Variants in RIMBP2 observed in about 807,000 individuals in gnomAD.
RIMBP2 encodes the protein RIMS binding protein 2, also known as RIMS-binding protein 2.
In RIMBP2, 48 loss-of-function variants were observed where a neutral mutation model predicts 118.6. The observed-to-expected ratio is 0.40, with a 90% CI of 0.32 to 0.51. The LOEUF is 0.51. Among genes scored for constraint, RIMBP2 ranks in the 20% least tolerant of loss-of-function variants. The probability of loss-of-function intolerance (pLI) is 0.41; values close to 1 mark genes in which losing one functional copy is unlikely to be tolerated. For synonymous variants in RIMBP2, 762 were observed against 742.9 expected, an observed-to-expected ratio of 1.03 and a Z score of -0.42; for missense variants, 1,551 against 1,768.3, an observed-to-expected ratio of 0.88 and a Z score of 2.20.
At chr12:130,681,999 G>A (rs1428428144) in intron 1 of RIMBP2, among the ~76,000 whole-genome samples, 1 of 152,184 alleles carries the variant, frequency 6.6e-6, no homozygotes, top group Non-Finnish European at 1.5e-5. Context: ...GCCCAGCCAT[G>A]CAAGTATTTC....
rs559968359 is a variant in RIMBP2 at position 130,657,233 on chromosome 12, T to G, written c.-351-28777A>C. ...CTTAAAGAACACTAGTCATATGGGATGAGGGCACATCCTCATGTCCTCATC... is the reference window on the plus strand; with the variant it reads ...CTTAAAGAACACTAGTCATATGGGAGGAGGGCACATCCTCATGTCCTCATC... On this transcript the variant is annotated intron_variant, in intron 1 of 22. Transcript: ENST00000690449. 3.3e-5 allele frequency among the ~76,000 whole-genome samples: 5 copies of G among 152,278 alleles called. No homozygotes were observed. In the South Asian group the frequency reaches 1.0e-3, roughly 32 times the overall value.
chr12:130,643,810 G>A (rs1241560389), intron 1 of RIMBP2, among the ~76,000 whole-genome samples: 3 of 152,172 alleles, frequency 2.0e-5, no homozygotes, highest in Non-Finnish European at 4.4e-5. Context: ...CACGCAAGCA[G>A]ACAACAGCCA....
At chr12:130,407,602 T>A in intron 20 of RIMBP2, 124 bp downstream of exon 20, 1 of 825,898 alleles carries the variant, frequency 1.2e-6, no homozygotes, top group Non-Finnish European at 2.1e-6. Flanking sequence ...TCGGCAGCCC[T>A]TCCTACGGAT....
At chr12:130,480,683 C>T (rs924881227) in intron 4 of RIMBP2, among the ~76,000 whole-genome samples, 3 of 148,608 alleles carry the variant, frequency 2.0e-5, no homozygotes, top group South Asian at 2.1e-4. Flanking sequence ...TCACTGCAGC[C>T]TCCACCTCCT....
chr12:130,653,662 G>A (rs2063315695), intron 1 of RIMBP2, among the ~76,000 whole-genome samples: 1 of 152,216 alleles, frequency 6.6e-6, no homozygotes, highest in East Asian at 1.9e-4. Flanking sequence ...TTCTGTGGGG[G>A]CTCCACCCCT....
At chr12:130,499,553 A>G (rs2049531199) in intron 4 of RIMBP2, among the ~76,000 whole-genome samples, 1 of 152,044 alleles carries the variant, frequency 6.6e-6, no homozygotes, top group Non-Finnish European at 1.5e-5. Context: ...ATCTGACCTC[A>G]TCTTCTAACT....
chr12:130,510,449 C>T (rs932336982), intron 3 of RIMBP2, among the ~76,000 whole-genome samples: 4 of 151,584 alleles, frequency 2.6e-5, no homozygotes, highest in Non-Finnish European at 4.4e-5. Flanking sequence ...TGGAGGACCT[C>T]GGGGCAAGCC....
chr12:130,513,662 C>G (rs1043053528), intron 3 of RIMBP2, among the ~76,000 whole-genome samples: 9 of 152,180 alleles, frequency 5.9e-5, no homozygotes, highest in Non-Finnish European at 1.2e-4. Flanking sequence ...CATCGGTTTC[C>G]TCCCACAAGG....
intron 3 of RIMBP2, among the ~76,000 whole-genome samples, chr12:130,507,158 C>G (rs1036615663): frequency 2.6e-5 from 4 of 152,166 alleles, no homozygotes; most frequent in African/African-American, 9.7e-5. Context: ...GAAGAACTCT[C>G]CCTTTTGCCC....
intron 1 of RIMBP2, among the ~76,000 whole-genome samples, chr12:130,667,104 A>T (rs2063975074): frequency 1.7e-5 from 1 of 59,684 alleles, no homozygotes; most frequent in East Asian, 4.2e-4. Flanking sequence ...GGATGGGAGA[A>T]AAAAAGGAAT....
At chr12:130,575,949 C>G (rs529375111) in intron 2 of RIMBP2, among the ~76,000 whole-genome samples, 1 of 152,210 alleles carries the variant, frequency 6.6e-6, no homozygotes, top group African/African-American at 2.4e-5. Context: ...GTTAACAGGA[C>G]ACCCCCGGAT....
At chr12:130,637,550 G>A (rs1391700617) in intron 1 of RIMBP2, among the ~76,000 whole-genome samples, 1 of 152,194 alleles carries the variant, frequency 6.6e-6, no homozygotes, top group Non-Finnish European at 1.5e-5. Flanking sequence ...TAAGAGTAAT[G>A]TGATTAGAAC....
At position 130,411,714 on chromosome 12, in the gene RIMBP2, G is replaced by C. The variant is rs143864061; in HGVS notation, c.3589+905C>G. On this transcript the variant is annotated intron_variant, in intron 19 of 22. Coordinates refer to ENST00000690449, the MANE Select transcript of RIMBP2 (RefSeq NM_001393629.1). ...AACAAAAGTGAGTAGAGGGGATAAA[G>C]GGCTCAAAGATCTTCGATCTCATGG... 1.6e-3 allele frequency among the ~76,000 whole-genome samples: 244 copies of C among 152,220 alleles called. 3 individuals are homozygous for C. The East Asian group carries it at 0.038, about 24-fold the overall frequency.
intron 2 of RIMBP2, among the ~76,000 whole-genome samples, chr12:130,563,517 G>A (rs372128833): frequency 1.3e-5 from 2 of 152,198 alleles, no homozygotes; most frequent in African/African-American, 2.4e-5. Flanking sequence ...GACTTCATAG[G>A]GAATCAAGTA....
chr12:130,526,527 G>A (rs993543125), intron 2 of RIMBP2, among the ~76,000 whole-genome samples: 1 of 152,216 alleles, frequency 6.6e-6, no homozygotes, highest in Admixed American at 6.5e-5. Flanking sequence ...AATATCATAT[G>A]ACACATTAAG....
chr12:130,402,585 C>G (rs1210095507), intron 21 of RIMBP2, among the ~76,000 whole-genome samples: 1 of 152,194 alleles, frequency 6.6e-6, no homozygotes, highest in Non-Finnish European at 1.5e-5. Flanking sequence ...CCTTTCCCTC[C>G]TCAGTCCCTC....
intron 1 of RIMBP2, among the ~76,000 whole-genome samples, chr12:130,634,233 C>T (rs1015128831): frequency 6.6e-6 from 1 of 152,102 alleles, no homozygotes. Context: ...TCCTTGGGAG[C>T]GGAGACGGGG....
chr12:130,488,012 T>G (rs1369915160), intron 4 of RIMBP2, among the ~76,000 whole-genome samples: 3 of 152,202 alleles, frequency 2.0e-5, no homozygotes, highest in Non-Finnish European at 4.4e-5. Flanking sequence ...CATTTCCGTG[T>G]GTGCACTCCA....
rs1440433441 is a variant in RIMBP2, at chr12:130,420,548, A to G, written c.3238+1905T>C. The stretch of plus-strand genomic sequence containing the variant: ...GTAGTTTCATTTGGGAAGGGTTTTT[A>G]TGATACTAATAAAACTTTAAAGCTT... On this transcript the variant is annotated intron_variant, in intron 17 of 22. Coordinates refer to ENST00000690449, the MANE Select transcript of RIMBP2 (RefSeq NM_001393629.1). The surrounding 1 kb of genome is among the most constrained non-coding windows in gnomAD (Gnocchi z 4.3). 6.6e-6 allele frequency among the ~76,000 whole-genome samples: 1 copy of G among 152,238 alleles called. No homozygotes were observed. Among genetic ancestry groups the G allele is most frequent in the Non-Finnish European group, 1.5e-5 (1 of 68,036 alleles).
Sources: gnomAD v4.1 joint callset for allele counts (sites outside exome capture counted in the v4.1 genomes callset) on GRCh38, gnomAD v4.1.1 for gene constraint, Gnocchi (gnomAD v3.1) non-coding constraint, MANE v1.5 for transcripts, NCBI Gene and HGNC (gene_info 2026-07-23, HGNC 2026-07-21) for gene names.